ECSCR: variants seen among roughly 807,000 people sequenced by gnomAD.
The protein encoded by ECSCR is endothelial cell surface expressed chemotaxis and apoptosis regulator.
Under a neutral mutation model 16.7 loss-of-function variants are expected in ECSCR, and 12 were observed. That is an observed-to-expected ratio of 0.72 (90% confidence interval 0.46 to 1.17). ECSCR has a LOEUF of 1.17. Among genes scored for constraint, ECSCR ranks in the 50% most tolerant of loss-of-function variants. The probability of loss-of-function intolerance (pLI) is 0.00; values close to 1 mark genes in which losing one functional copy is unlikely to be tolerated. For synonymous variants in ECSCR, 44 were observed against 42.2 expected (o/e 1.04, Z -0.17); for missense variants, 122 against 116.1 (o/e 1.05, Z -0.23).
At chr5:139,461,231 T>C (rs1326921789) in intron 1 of ECSCR, among the ~76,000 whole-genome samples, 1 of 152,212 alleles carries the variant, frequency 6.6e-6, no homozygotes, top group Non-Finnish European at 1.5e-5. Context: ...AAAATGCATA[T>C]GAAGCACTTA....
chr5:139,456,681 C>T (rs1019958275), intron 4 of ECSCR, among the ~76,000 whole-genome samples, 163 bp from the exon 5 acceptor site: 15 of 152,234 alleles, frequency 9.9e-5, no homozygotes, highest in African/African-American at 3.4e-4. Context: ...TCTCCTCCCT[C>T]TCCTCTCTGG....
At chr5:139,454,963 G>C in intron 6 of ECSCR, 40 bp from the exon 7 acceptor site, 1 of 398,740 alleles carries the variant, frequency 2.5e-6, no homozygotes, top group East Asian at 3.6e-5. Flanking sequence ...GGCCAGTCGG[G>C]GGGACAAAGG....
At chr5:139,460,414 C>T (rs1004535818) in intron 1 of ECSCR, among the ~76,000 whole-genome samples, 1 of 152,104 alleles carries the variant, frequency 6.6e-6, no homozygotes, top group Non-Finnish European at 1.5e-5. Context: ...GGATCACAGG[C>T]GTGAGCCACC....
At chr5:139,452,557 G>A (rs1751086958) in intron 8 of ECSCR, among the ~76,000 whole-genome samples, 1 of 151,970 alleles carries the variant, frequency 6.6e-6, no homozygotes, top group African/African-American at 2.4e-5. Flanking sequence ...GACGTGTGGG[G>A]TGTGTGTGGT....
intron 5 of ECSCR, among the ~76,000 whole-genome samples, chr5:139,456,273 A>G: frequency 6.6e-6 from 1 of 152,312 alleles, no homozygotes; most frequent in East Asian, 1.9e-4. Context: ...AACAAAAAAA[A>G]GGTGCTATGT....
rs761458664 is a variant in ECSCR, at chr5:139,462,689, G to T, written c.-19C>A. The stretch of plus-strand genomic sequence containing the variant: ...TGCCCATGTCAGCTGGGTATGTGGC[G>T]GGCAGGCAGCAGCTCAGTGGAGGCT... On this transcript the variant is annotated 5_prime_UTR_variant, in exon 1 of 10. Transcript: ENST00000618155. 3 of 1,574,960 alleles carry T rather than the reference G, an allele frequency of 1.9e-6. No individual in the cohort carries two copies. The highest frequency in any genetic ancestry group is 1.2e-5 in the South Asian group (1 of 86,012).
rs1751047542 is a variant in ECSCR at position 139,451,508 on chromosome 5, T to G, written c.513-2334A>C. 2.7e-5 allele frequency among the ~76,000 whole-genome samples: 4 copies of G among 146,520 alleles called. No individual in the cohort carries two copies. The South Asian group carries it at 8.7e-4, about 32-fold the overall frequency. On this transcript the variant is annotated intron_variant, in intron 8 of 9. Transcript: ENST00000618155. Reference sequence around the variant, plus strand: ...GTGTGGTTTGGGTGGGTGTGTGGTGTGAGTGTGTATAGTATGAAGTGTGTG... The same window carrying G: ...GTGTGGTTTGGGTGGGTGTGTGGTGGGAGTGTGTATAGTATGAAGTGTGTG...
chr5:139,456,342 T>C (rs1751158314), intron 5 of ECSCR, 132 bp downstream of exon 5: 5 of 389,356 alleles, frequency 1.3e-5, no homozygotes, highest in African/African-American at 4.1e-5. Flanking sequence ...GTTCCACTTA[T>C]CTCTCCTCAC....
At chr5:139,460,581 A>AC (rs1360850477) in intron 1 of ECSCR, among the ~76,000 whole-genome samples, 2 of 152,128 alleles carry the variant, frequency 1.3e-5, no homozygotes, top group East Asian at 3.9e-4. Flanking sequence ...AAGCTTCAAG[A>AC]CCCTGCTCTT....
chr5:139,459,677 G>A (rs1189029552), intron 1 of ECSCR, among the ~76,000 whole-genome samples: 6 of 152,206 alleles, frequency 3.9e-5, no homozygotes, highest in South Asian at 2.1e-4. Flanking sequence ...CTGGGTTCCC[G>A]TCCCTCTGCT....
chr5:139,454,794 G>A, intron 7 of ECSCR, 31 bp downstream of exon 7: 1 of 398,372 alleles, frequency 2.5e-6, no homozygotes, highest in Non-Finnish European at 4.4e-6. Context: ...CCAGCAGAGG[G>A]GAAAAAGATC....
At chr5:139,451,715 G>GGT (rs1273015054) in intron 8 of ECSCR, among the ~76,000 whole-genome samples, 1 of 147,078 alleles carries the variant, frequency 6.8e-6, no homozygotes, top group South Asian at 2.2e-4. Flanking sequence ...GTGTGTTTGT[G>GGT]GTGTGTGTGT....
At chr5:139,458,500 C>CAAAAAAAAAA (rs397882364) in intron 1 of ECSCR, among the ~76,000 whole-genome samples, 66 of 85,348 alleles carry the variant, frequency 7.7e-4, no homozygotes, top group African/African-American at 1.0e-3. Flanking sequence ...CCTATCTCAA[C>CAAAAAAAAAA]AAAAAAAAAA....
intron 1 of ECSCR, among the ~76,000 whole-genome samples, chr5:139,458,719 G>A (rs1047308522): frequency 3.3e-5 from 5 of 150,900 alleles, no homozygotes; most frequent in East Asian, 1.9e-4. Flanking sequence ...GATGGCACAC[G>A]CCTGTAATCC....
intron 1 of ECSCR, 33 bp from the exon 2 acceptor site, chr5:139,458,216 A>G (rs1416783415): frequency 6.5e-7 from 1 of 1,547,036 alleles, no homozygotes; most frequent in Non-Finnish European, 8.7e-7. Flanking sequence ...TAGCTTGGTA[A>G]GTCCCCTGCC....
rs374659153 is a variant in ECSCR at position 139,458,161 on chromosome 5, C to T, written c.84G>A (p.Met28Ile). ...LFRGHNSQPT[M>I]TQTSSSQGGL... Reference sequence around the variant, plus strand: ...TACCCTGAGAGCTAGAGGTCTGGGTCATTGTGGGCTGGGAGTTGTGGCCTG... The same window carrying T: ...TACCCTGAGAGCTAGAGGTCTGGGTTATTGTGGGCTGGGAGTTGTGGCCTG... The change falls in exon 2 of 10, where the codon ATG (methionine) becomes ATA (isoleucine). Residue 28 changes from methionine (M) to isoleucine (I), a missense_variant. Transcript: ENST00000618155. 211 of 1,549,742 alleles carry T rather than the reference C, an allele frequency of 1.4e-4. 1 individual carries two copies. The highest frequency in any genetic ancestry group is 9.1e-4 in the Middle Eastern group (4 of 4,378).
At chr5:139,456,019 G>A (rs1751151718) in intron 5 of ECSCR, among the ~76,000 whole-genome samples, 2 of 152,072 alleles carry the variant, frequency 1.3e-5, no homozygotes, top group Non-Finnish European at 2.9e-5. Flanking sequence ...CTACTTAGGT[G>A]GCTGAGGCAG....
At chr5:139,458,897 G>A (rs1325762015) in intron 1 of ECSCR, among the ~76,000 whole-genome samples, 2 of 151,474 alleles carry the variant, frequency 1.3e-5, no homozygotes, top group Non-Finnish European at 2.9e-5. Flanking sequence ...GGCTTTCTAA[G>A]CCTACCATGC....
chr5:139,454,286 G>A (rs1262199590), intron 8 of ECSCR, among the ~76,000 whole-genome samples: 1 of 149,162 alleles, frequency 6.7e-6, no homozygotes, highest in African/African-American at 2.5e-5. Flanking sequence ...GGTATGTGGT[G>A]TGTTTGAGGT....
Sources: allele counts gnomAD v4.1 joint callset (sites outside exome capture counted in the v4.1 genomes callset), GRCh38; gene constraint gnomAD v4.1.1; transcripts MANE v1.5; gene names NCBI Gene and HGNC (gene_info 2026-07-23, HGNC 2026-07-21).